Variants in PLXNA4 observed in about 807,000 individuals in gnomAD.
PLXNA4 encodes the protein plexin-A4.
Under a neutral mutation model 191.8 loss-of-function variants are expected in PLXNA4, and 44 were observed. The observed-to-expected ratio is 0.23, with a 90% CI of 0.18 to 0.29. PLXNA4 has a LOEUF of 0.29. Ranked by LOEUF, PLXNA4 falls within the 10% of genes least tolerant of loss-of-function variation. PLXNA4 has a pLI of 1.00. For synonymous variants in PLXNA4, 1,082 were observed against 1,009.5 expected (o/e 1.07, Z -1.36); for missense variants, 1,800 against 2,488.8 (o/e 0.72, Z 5.89).
chr7:132,544,290 G>A (rs929550044), intron 1 of PLXNA4, among the ~76,000 whole-genome samples: 2 of 152,324 alleles, frequency 1.3e-5, no homozygotes, highest in South Asian at 2.1e-4. Flanking sequence ...GATTTCATAT[G>A]AGAATAGAGA....
At chr7:132,133,009 C>G in intron 31 of PLXNA4, 40 bp downstream of exon 31, 1 of 1,597,370 alleles carries the variant, frequency 6.3e-7, no homozygotes, top group Non-Finnish European at 8.5e-7. Flanking sequence ...ATTCTCTTCC[C>G]CCTTCCATCC....
At chr7:132,608,578 A>T (rs1802987280) in intron 2 of PLXNA4, among the ~76,000 whole-genome samples, 1 of 152,076 alleles carries the variant, frequency 6.6e-6, no homozygotes, top group Non-Finnish European at 1.5e-5. Context: ...TTGCCCTCTG[A>T]CACTTACCCT....
Position 132,194,136 on chromosome 7 carries a change from C to T in PLXNA4, c.2782G>A (p.Gly928Ser). ...MGEAKPSQHAGFVEICVAVCR... is the reference protein window; with the variant it reads ...MGEAKPSQHASFVEICVAVCR... ...ACAGCCACGCAGATCTCCACGAAGC[C>T]TGCATGCTGGCTGGGCTTGGCCTCC... The change falls in exon 14 of 32, where the codon GGC becomes AGC. Residue 928 changes from glycine to serine, a missense_variant. By Grantham distance (56) the Gly-to-Ser change is moderately conservative. Coordinates refer to ENST00000321063, the MANE Select transcript of PLXNA4 (RefSeq NM_020911.2). The T allele has an allele frequency of 1.2e-6, 2 of 1,614,018 alleles. No homozygotes were observed. Among genetic ancestry groups the T allele is most frequent in the Non-Finnish European group, 1.7e-6 (2 of 1,179,894 alleles).
chr7:132,356,716 A>C (rs1422116788), intron 3 of PLXNA4, among the ~76,000 whole-genome samples: 2 of 152,246 alleles, frequency 1.3e-5, no homozygotes, highest in African/African-American at 4.8e-5. Flanking sequence ...TCCCTCTATT[A>C]AGCAAGTTCT....
intron 2 of PLXNA4, among the ~76,000 whole-genome samples, chr7:132,599,144 G>C (rs779485320): frequency 6.6e-6 from 1 of 151,952 alleles, no homozygotes; most frequent in Non-Finnish European, 1.5e-5. Flanking sequence ...TTGCTACCAC[G>C]TGTTTCTAAT....
intron 5 of PLXNA4, among the ~76,000 whole-genome samples, chr7:132,233,754 C>T (rs1017513500): frequency 1.3e-5 from 2 of 152,258 alleles, no homozygotes; most frequent in Non-Finnish European, 2.9e-5. Context: ...CCATAATCAG[C>T]TCAGATGCTG....
intron 28 of PLXNA4, chr7:132,145,608 T>C: frequency 2.9e-6 from 1 of 346,084 alleles, no homozygotes. Context: ...TAATGAACAC[T>C]CACTTGGTCA....
rs1223902146 is a variant in PLXNA4 at position 132,128,518 on chromosome 7, G to A, written c.*1961C>T. 1 of 98,134 alleles carries A rather than the reference G, an allele frequency of 1.0e-5. No homozygotes were observed. Among genetic ancestry groups the A allele is most frequent in the African/African-American group, 3.1e-5 (1 of 32,752 alleles). 6.1% of individuals were successfully genotyped at this position (98,134 alleles called of 1,614,324 possible). A position where few individuals can be genotyped will look rare whatever the true frequency, so the allele number is the denominator to read the frequency against. ...AATGTCCTGAAGCTGCAGGATGAAT[G>A]GATGAGCAAGGGGAAAGAGAAGGGG... On this transcript the variant is annotated 3_prime_UTR_variant, in exon 32 of 32. Coordinates refer to ENST00000321063, the MANE Select transcript of PLXNA4 (RefSeq NM_020911.2).
intron 1 of PLXNA4, among the ~76,000 whole-genome samples, chr7:132,564,583 C>A (rs544710343): frequency 6.6e-6 from 1 of 152,314 alleles, no homozygotes; most frequent in African/African-American, 2.4e-5. Context: ...GAACTCCCTG[C>A]TGACAGAAGT....
At chr7:132,491,588 TG>T (rs1797802581) in intron 2 of PLXNA4, among the ~76,000 whole-genome samples, 1 of 151,688 alleles carries the variant, frequency 6.6e-6, no homozygotes, top group South Asian at 2.1e-4. Context: ...TTGCGTGGCC[TG>T]GTCCACCAGC....
At chr7:132,641,344 T>C (rs1803739637) in intron 2 of PLXNA4, among the ~76,000 whole-genome samples, 1 of 152,212 alleles carries the variant, frequency 6.6e-6, no homozygotes. Context: ...GAGGCCTCTC[T>C]CCTTGGCTTG....
intron 3 of PLXNA4, among the ~76,000 whole-genome samples, chr7:132,361,932 A>G (rs1803959009): frequency 6.6e-6 from 1 of 152,230 alleles, no homozygotes; most frequent in Admixed American, 6.5e-5. Context: ...AGAAATTGAT[A>G]TCAATATTGT....
chr7:132,301,639 T>C (rs1027988268), intron 3 of PLXNA4, among the ~76,000 whole-genome samples: 2 of 152,336 alleles, frequency 1.3e-5, no homozygotes, highest in South Asian at 4.1e-4. Context: ...ATTGTTTATG[T>C]AAACCTGCAT....
chr7:132,417,689 G>A (rs1466400292), intron 3 of PLXNA4, among the ~76,000 whole-genome samples: 1 of 149,962 alleles, frequency 6.7e-6, no homozygotes, highest in Non-Finnish European at 1.5e-5. Flanking sequence ...AAAGGAGAGA[G>A]AGAGAGAAAG....
At chr7:132,396,647 T>A (rs928106347) in intron 3 of PLXNA4, among the ~76,000 whole-genome samples, 4 of 152,184 alleles carry the variant, frequency 2.6e-5, no homozygotes, top group African/African-American at 4.8e-5. Context: ...TGTGCAACCA[T>A]GGCCGACTAA....
chr7:132,261,582 C>T (rs1214653224), intron 4 of PLXNA4, among the ~76,000 whole-genome samples: 2 of 152,266 alleles, frequency 1.3e-5, no homozygotes, highest in African/African-American at 4.8e-5. Flanking sequence ...TTTCCACTGT[C>T]TGCAGCAAAG....
At chr7:132,360,978 G>A (rs1211131553) in intron 3 of PLXNA4, among the ~76,000 whole-genome samples, 1 of 152,220 alleles carries the variant, frequency 6.6e-6, no homozygotes, top group Non-Finnish European at 1.5e-5. Flanking sequence ...CATGGTAAAT[G>A]GAGCAAAGAG....
intron 3 of PLXNA4, among the ~76,000 whole-genome samples, chr7:132,360,073 A>G (rs1170938005): frequency 6.6e-6 from 1 of 152,256 alleles, no homozygotes; most frequent in Non-Finnish European, 1.5e-5. Flanking sequence ...TTTAACAAAT[A>G]TATTCCCTTT....
chr7:132,233,612 T>G (rs1464861460), intron 5 of PLXNA4, among the ~76,000 whole-genome samples: 1 of 152,240 alleles, frequency 6.6e-6, no homozygotes, highest in East Asian at 1.9e-4. Flanking sequence ...AAGAAGCAGC[T>G]GAATCAGATT....
Sources: allele counts gnomAD v4.1 joint callset (sites outside exome capture counted in the v4.1 genomes callset), GRCh38; gene constraint gnomAD v4.1.1; transcripts MANE v1.5; gene names NCBI Gene and HGNC (gene_info 2026-07-23, HGNC 2026-07-21).